Variants in CENPW observed in about 807,000 individuals in gnomAD.
The protein encoded by CENPW is cancer-up-regulated gene 2 protein.
CENPW carries 3 observed loss-of-function variants against 11.1 expected under a neutral mutation model. The observed-to-expected ratio is 0.27, with a 90% CI of 0.12 to 0.70. CENPW has a LOEUF of 0.70. Among genes scored for constraint, CENPW ranks in the 30% least tolerant of loss-of-function variants. The probability of loss-of-function intolerance (pLI) is 0.77; values close to 1 mark genes in which losing one functional copy is unlikely to be tolerated. For missense variants in CENPW, 100 were observed against 105.6 expected, an observed-to-expected ratio of 0.95 and a Z score of 0.23; for synonymous variants, 38 against 42.0, an observed-to-expected ratio of 0.91 and a Z score of 0.37.
At chr6:126,384,106 A>G in the CENPW span, among the ~76,000 whole-genome samples, 7 of 152,084 alleles carry the variant, frequency 4.6e-5, no homozygotes, top group Admixed American at 4.6e-4. Context: ...ATCACTCAAA[A>G]CCATGTAATT....
chr6:126,344,167 T>C (rs1269098713), intron 1 of CENPW, among the ~76,000 whole-genome samples: 1 of 152,198 alleles, frequency 6.6e-6, no homozygotes, highest in Admixed American at 6.5e-5. Flanking sequence ...ATAATTCATA[T>C]CCTTAGAGTA....
At chr6:126,358,890 A>C in the CENPW span, among the ~76,000 whole-genome samples, 1 of 152,104 alleles carries the variant, frequency 6.6e-6, no homozygotes, top group Non-Finnish European at 1.5e-5. Flanking sequence ...ATGGATTCAC[A>C]GGCAAATTCT....
the CENPW span, among the ~76,000 whole-genome samples, chr6:126,372,033 C>G: frequency 1.3e-5 from 2 of 151,122 alleles, no homozygotes; most frequent in Non-Finnish European, 2.9e-5. Context: ...TGCGAGGAAC[C>G]AGCTTTTTGT....
chr6:126,470,868 T>C, the CENPW span, among the ~76,000 whole-genome samples: 1 of 152,246 alleles, frequency 6.6e-6, no homozygotes, highest in African/African-American at 2.4e-5. Context: ...TTTGGCTGAT[T>C]TCTCCCATTT....
chr6:126,472,460 G>A, the CENPW span, among the ~76,000 whole-genome samples: 4 of 152,104 alleles, frequency 2.6e-5, no homozygotes, highest in African/African-American at 9.7e-5. Context: ...AATGAATTGT[G>A]ACTTACCCAT....
chr6:126,455,973 A>G, the CENPW span, among the ~76,000 whole-genome samples: 1 of 150,704 alleles, frequency 6.6e-6, no homozygotes, highest in African/African-American at 2.4e-5. Flanking sequence ...CATTTACAAC[A>G]GCCACAAAAA....
At chr6:126,362,356 G>A in the CENPW span, among the ~76,000 whole-genome samples, 1 of 152,142 alleles carries the variant, frequency 6.6e-6, no homozygotes, top group Non-Finnish European at 1.5e-5. Context: ...GGGGTGTGGG[G>A]TTCCCTGTAG....
At chr6:126,478,410 ATC>A in the CENPW span, among the ~76,000 whole-genome samples, 503 of 144,864 alleles carry the variant, frequency 3.5e-3, no homozygotes, top group Middle Eastern at 3.6e-3. Context: ...GTCTCTCTTT[ATC>A]TCTCTCTCTC....
At chr6:126,373,746 G>A in the CENPW span, among the ~76,000 whole-genome samples, 3 of 152,274 alleles carry the variant, frequency 2.0e-5, no homozygotes, top group East Asian at 5.8e-4. Context: ...TATGGTTGAG[G>A]CCTCCAAGAG....
the CENPW span, among the ~76,000 whole-genome samples, chr6:126,402,615 T>C: frequency 6.7e-6 from 1 of 149,206 alleles, no homozygotes; most frequent in Non-Finnish European, 1.5e-5. Flanking sequence ...AATCATTCAA[T>C]GTGTAGTCCT....
At chr6:126,476,012 T>C in the CENPW span, among the ~76,000 whole-genome samples, 1 of 151,696 alleles carries the variant, frequency 6.6e-6, no homozygotes, top group African/African-American at 2.4e-5. Context: ...GTAGTAGTAG[T>C]AGAACTCAAA....
the CENPW span, among the ~76,000 whole-genome samples, chr6:126,374,191 T>C: frequency 1.3e-5 from 2 of 152,124 alleles, no homozygotes; most frequent in South Asian, 4.1e-4. Context: ...CTAATAAAAA[T>C]TTAAAAATTA....
chr6:126,398,926 C>G, the CENPW span, among the ~76,000 whole-genome samples: 1 of 151,714 alleles, frequency 6.6e-6, no homozygotes, highest in Admixed American at 6.6e-5. Flanking sequence ...TGATTCCGTT[C>G]CTGTGTTAAT....
At chr6:126,450,318 C>T in the CENPW span, among the ~76,000 whole-genome samples, 2 of 150,934 alleles carry the variant, frequency 1.3e-5, no homozygotes, top group African/African-American at 4.8e-5. Context: ...GGGTAAAGCT[C>T]CTGAAGTCAT....
chr6:126,468,236 C>T, the CENPW span, among the ~76,000 whole-genome samples: 2 of 151,734 alleles, frequency 1.3e-5, no homozygotes, highest in Non-Finnish European at 2.9e-5. Context: ...GCCTGACCAA[C>T]ATGGAGAAAC....
the CENPW span, among the ~76,000 whole-genome samples, chr6:126,374,871 A>G: frequency 3.9e-5 from 6 of 152,222 alleles, no homozygotes; most frequent in African/African-American, 1.2e-4. Context: ...TTTTGAAAGT[A>G]TTGTGTTAGG....
At chr6:126,418,786 A>G in the CENPW span, among the ~76,000 whole-genome samples, 2 of 151,930 alleles carry the variant, frequency 1.3e-5, no homozygotes, top group African/African-American at 4.8e-5. Context: ...TTGTAGGGAC[A>G]TGGGTGAAGC....
the CENPW span, among the ~76,000 whole-genome samples, chr6:126,442,204 C>T: frequency 5.9e-5 from 9 of 151,436 alleles, 1 homozygote; most frequent in South Asian, 1.0e-3. Flanking sequence ...TGATAATTAG[C>T]GATGTTGAGC....
At chr6:126,477,786 C>T in the CENPW span, among the ~76,000 whole-genome samples, 1,520 of 152,050 alleles carry the variant, frequency 1.0e-2, 22 homozygotes, top group African/African-American at 0.035. Context: ...TGCTATCTTG[C>T]ACATTATTTT....
Sources: allele counts gnomAD v4.1 joint callset (sites outside exome capture counted in the v4.1 genomes callset), GRCh38; gene constraint gnomAD v4.1.1; transcripts MANE v1.5; gene names NCBI Gene and HGNC (gene_info 2026-07-23, HGNC 2026-07-21).